The following PTPRN2 variants were observed in gnomAD, a reference collection of about 807,000 sequenced individuals.
The protein encoded by PTPRN2 is receptor-type tyrosine-protein phosphatase N2.
Under a neutral mutation model 118.8 loss-of-function variants are expected in PTPRN2, and 74 were observed. That is an observed-to-expected ratio of 0.62 (90% CI 0.52 to 0.76). The LOEUF is 0.76. Among genes scored for constraint, PTPRN2 ranks in the 30% least tolerant of loss-of-function variants. PTPRN2 has a pLI of 0.00. For missense variants in PTPRN2, 1,481 were observed against 1,394.4 expected (o/e 1.06, Z -0.99); for synonymous variants, 641 against 608.0 (o/e 1.05, Z -0.80).
At chr7:157,568,022 G>T (rs1215503604) in intron 21 of PTPRN2, among the ~76,000 whole-genome samples, 1 of 152,174 alleles carries the variant, frequency 6.6e-6, no homozygotes, top group East Asian at 1.9e-4. Flanking sequence ...TTAAAGAGAT[G>T]ACCTTAGAGG....
intron 2 of PTPRN2, among the ~76,000 whole-genome samples, chr7:158,345,471 AACAAAG>A (rs1324773190): frequency 1.3e-5 from 2 of 152,164 alleles, no homozygotes; most frequent in Non-Finnish European, 2.9e-5. Context: ...CAAGAGAAAG[AACAAAG>A]ACAAAGGCCA....
At chr7:157,873,519 G>A (rs960909942) in intron 12 of PTPRN2, among the ~76,000 whole-genome samples, 7 of 151,128 alleles carry the variant, frequency 4.6e-5, no homozygotes, top group African/African-American at 1.7e-4. Flanking sequence ...GCCGGGAGGA[G>A]AACGTACTGT....
chr7:158,556,221 T>C (rs77918298), intron 1 of PTPRN2, among the ~76,000 whole-genome samples: 7,038 of 152,034 alleles, frequency 0.046, 225 homozygotes, highest in Non-Finnish European at 0.068. Flanking sequence ...CAGGTAAAGA[T>C]AGATTAGATA....
At chr7:158,256,003 A>G (rs1796997159) in intron 3 of PTPRN2, among the ~76,000 whole-genome samples, 1 of 152,200 alleles carries the variant, frequency 6.6e-6, no homozygotes, top group East Asian at 1.9e-4. Context: ...TGGGAGAGCC[A>G]GTGCTGACTC....
chr7:158,398,506 G>T (rs1238838998), intron 2 of PTPRN2, among the ~76,000 whole-genome samples: 1 of 152,202 alleles, frequency 6.6e-6, no homozygotes, highest in African/African-American at 2.4e-5. Flanking sequence ...CATACATAAA[G>T]TACATTCTTT....
At chr7:158,361,500 G>C (rs13247120) in intron 2 of PTPRN2, among the ~76,000 whole-genome samples, 143,105 of 152,326 alleles carry the variant, frequency 0.94, 67,245 homozygotes, top group African/African-American at 0.95. Flanking sequence ...TGCTGCTCAG[G>C]CCATCCACAC....
At chr7:157,826,036 T>C (rs1042423619) in intron 12 of PTPRN2, among the ~76,000 whole-genome samples, 4 of 152,220 alleles carry the variant, frequency 2.6e-5, no homozygotes, top group African/African-American at 9.6e-5. Flanking sequence ...CAATCCCCTC[T>C]GCTCAAGCCA....
intron 12 of PTPRN2, among the ~76,000 whole-genome samples, chr7:157,789,387 C>T (rs896126713): frequency 6.6e-6 from 1 of 152,236 alleles, no homozygotes; most frequent in Non-Finnish European, 1.5e-5. Context: ...ATCCAGGCCC[C>T]CTGGGCACAG....
At chr7:157,908,566 G>T (rs1368321785) in intron 11 of PTPRN2, among the ~76,000 whole-genome samples, 1 of 152,158 alleles carries the variant, frequency 6.6e-6, no homozygotes, top group South Asian at 2.1e-4. Context: ...ATGTGGAGGC[G>T]CCCCGCAGCA....
chr7:158,009,939 C>T (rs1805919201), intron 11 of PTPRN2, among the ~76,000 whole-genome samples: 1 of 152,178 alleles, frequency 6.6e-6, no homozygotes, highest in African/African-American at 2.4e-5. Context: ...CCTGCCCCAC[C>T]ATGGGCACCA....
intron 17 of PTPRN2, among the ~76,000 whole-genome samples, chr7:157,582,097 A>G (rs1800415109): frequency 6.6e-6 from 1 of 151,804 alleles, no homozygotes; most frequent in South Asian, 2.1e-4. Flanking sequence ...TTGTTTTAAA[A>G]CAACGAGTTT....
chr7:157,849,950 T>C (rs543708401), intron 12 of PTPRN2, among the ~76,000 whole-genome samples: 71 of 152,306 alleles, frequency 4.7e-4, no homozygotes, highest in African/African-American at 1.7e-3. Context: ...GGGGACGACA[T>C]GAGATAGCCA....
chr7:158,422,748 G>C (rs937041511), intron 2 of PTPRN2, among the ~76,000 whole-genome samples: 3 of 151,810 alleles, frequency 2.0e-5, no homozygotes, highest in Admixed American at 6.6e-5. Context: ...CCGGCTTCTG[G>C]GGCCACCATT....
intron 13 of PTPRN2, among the ~76,000 whole-genome samples, chr7:157,668,129 A>C (rs1423536114): frequency 6.6e-6 from 1 of 152,264 alleles, no homozygotes; most frequent in East Asian, 1.9e-4. Context: ...TGCTGTGCCC[A>C]GGCCGGGGCC....
rs997713466 is a variant in PTPRN2 at position 158,149,367 on chromosome 7, A to C, written c.911-10852T>G. On this transcript the variant is annotated intron_variant, in intron 6 of 22. Transcript: ENST00000389418. Reference sequence around the variant, plus strand: ...TTAACAACTACATTGACATAAACTTAAATCTAACCAGTGTCTTTTCAGTAT... The same window carrying C: ...TTAACAACTACATTGACATAAACTTCAATCTAACCAGTGTCTTTTCAGTAT... 1.4e-4 allele frequency among the ~76,000 whole-genome samples: 22 copies of C among 152,336 alleles called. No homozygotes were observed. In the East Asian group the frequency reaches 4.2e-3, roughly 29 times the overall value.
chr7:158,256,446 C>T lies in PTPRN2; in HGVS notation c.278-51173G>A, dbSNP rs374380093. ...AGTGCAGGGCCATTATTCTGGTCCG[C>T]GCCATGTGGAATTTTAAAAAGTTTT... On this transcript the variant is annotated intron_variant, in intron 3 of 22. Transcript: ENST00000389418. Among the ~76,000 whole-genome samples the T allele has an allele frequency of 1.7e-4, 26 of 152,254 alleles. 1 individual carries two copies. The highest frequency in any genetic ancestry group is 4.3e-4 in the African/African-American group (18 of 41,532).
intron 11 of PTPRN2, among the ~76,000 whole-genome samples, chr7:157,948,604 C>G (rs549894555): frequency 6.6e-6 from 1 of 152,238 alleles, no homozygotes; most frequent in Admixed American, 6.5e-5. Context: ...CCTTCCTTAA[C>G]AGAAATTACT....
intron 16 of PTPRN2, among the ~76,000 whole-genome samples, chr7:157,595,542 A>AGGAGGTTAGGAAGCCT (rs1801265338): frequency 9.8e-6 from 1 of 101,758 alleles, no homozygotes; most frequent in Admixed American, 9.2e-5. Flanking sequence ...TTAGGAAGCC[A>AGGAGGTTAGGAAGCCT]GGAGGTTAGG....
chr7:157,956,375 T>C (rs1399685449), intron 11 of PTPRN2, among the ~76,000 whole-genome samples: 1 of 151,966 alleles, frequency 6.6e-6, no homozygotes, highest in Non-Finnish European at 1.5e-5. Context: ...CCGAGAGGGT[T>C]TTACCTAAGT....
Sources: gnomAD v4.1 joint callset for allele counts (sites outside exome capture counted in the v4.1 genomes callset) on GRCh38, gnomAD v4.1.1 for gene constraint, MANE v1.5 for transcripts, NCBI Gene and HGNC (gene_info 2026-07-23, HGNC 2026-07-21) for gene names.